The following JAG2 variants were observed in gnomAD, a reference collection of about 807,000 sequenced individuals.
JAG2 encodes the protein protein jagged-2.
In JAG2, 46 loss-of-function variants were observed where a neutral mutation model predicts 141.7. The ratio of observed to expected loss-of-function variants is 0.32; its 90% CI spans 0.26 to 0.42. The LOEUF is 0.42. Among genes scored for constraint, JAG2 ranks in the 10% least tolerant of loss-of-function variants. The pLI is 1.00. For missense variants in JAG2, 1,500 were observed against 1,817.5 expected (o/e 0.83, Z 3.18); for synonymous variants, 862 against 763.5 (o/e 1.13, Z -2.13).
Position 105,148,935 on chromosome 14 carries a change from A to T in JAG2, c.1906+2T>A. The T allele has an allele frequency of 6.2e-7, 1 of 1,604,976 alleles. No individual in the cohort carries two copies. The highest frequency in any genetic ancestry group is 1.7e-5 in the Admixed American group (1 of 59,172). On this transcript the variant is annotated splice_donor_variant, in intron 14 of 25. Coordinates refer to ENST00000331782, the MANE Select transcript of JAG2 (RefSeq NM_002226.5). LOFTEE classifies it high-confidence loss of function. Reference sequence around the variant, plus strand: ...ACCAGCCCGCCGTTCGTGGCCACTCACTCTCATGGCAGTAGGTGCCAGTAA... The same window carrying T: ...ACCAGCCCGCCGTTCGTGGCCACTCTCTCTCATGGCAGTAGGTGCCAGTAA...
At chr14:105,161,740 C>T (rs1418363196) in intron 2 of JAG2, among the ~76,000 whole-genome samples, 4 of 152,136 alleles carry the variant, frequency 2.6e-5, no homozygotes, top group Non-Finnish European at 4.4e-5. Flanking sequence ...TGAATAACAA[C>T]CTCTCACCCC....
Position 105,148,171 on chromosome 14 carries a change from G to A in JAG2, c.2193C>T (p.Gly731=), listed in dbSNP as rs973609639. The change falls in exon 17 of 26, where the codon GGC becomes GGT. Residue 731 remains glycine, a synonymous_variant. Coordinates refer to ENST00000331782, the MANE Select transcript of JAG2 (RefSeq NM_002226.5). Reference sequence around the variant, plus strand: ...GGGGGCAGGCGCAGCGGAAGGTGTCGCCGCTGTCGTAGCAGGTGCCACCGT... The same window carrying A: ...GGGGGCAGGCGCAGCGGAAGGTGTCACCGCTGTCGTAGCAGGTGCCACCGT... ...CSNGGTCYDS[G]DTFRCACPPG... 21 of 1,550,966 alleles carry A rather than the reference G, an allele frequency of 1.4e-5. No individual in the cohort carries two copies. The highest frequency in any genetic ancestry group is 2.7e-5 in the African/African-American group (2 of 73,016).
chr14:105,159,325 C>T (rs1888664390), intron 2 of JAG2, among the ~76,000 whole-genome samples: 2 of 152,010 alleles, frequency 1.3e-5, no homozygotes, highest in Admixed American at 1.3e-4. Context: ...GGGCCATCCC[C>T]AACCCGCTCC....
Position 105,143,641 on chromosome 14 carries a change from G to A in JAG2, c.3085-3C>T. On this transcript the variant is annotated splice_region_variant and splice_polypyrimidine_tract_variant and intron_variant, in intron 24 of 25. Transcript: ENST00000331782. ...AGGTCCCTGGCAGGGCTGAAGGACT[G>A]CGGCAAAGAACGGCATTGTGGGGAT... 6.2e-7 allele frequency: 1 copy of A among 1,606,776 alleles called. No individual in the cohort carries two copies. Among genetic ancestry groups the A allele is most frequent in the South Asian group, 1.1e-5 (1 of 90,672 alleles).
rs1448694030 is a variant in JAG2 at position 105,168,000 on chromosome 14, G to C, written c.174C>G (p.Arg58=). 1.9e-6 allele frequency: 3 copies of C among 1,601,110 alleles called. No individual in the cohort carries two copies. Among genetic ancestry groups the C allele is most frequent in the Non-Finnish European group, 2.5e-6 (3 of 1,177,392 alleles). ...ACCDGDGRTT[R]AGGCGHDECD... Reference sequence around the variant, plus strand: ...ACTCGTCGTGGCCGCAGCCCCCCGCGCGCGTTGTCCGGCCGTCGCCGTCAC... The same window carrying C: ...ACTCGTCGTGGCCGCAGCCCCCCGCCCGCGTTGTCCGGCCGTCGCCGTCAC... The change falls in exon 2 of 26, where the codon CGC becomes CGG. Residue 58 remains arginine, a synonymous_variant. Coordinates refer to ENST00000331782, the MANE Select transcript of JAG2 (RefSeq NM_002226.5). This position sits in a 1 kb window ranked among gnomAD's most constrained non-coding sequence, Gnocchi z 4.8.
intron 24 of JAG2, 144 bp downstream of exon 24, chr14:105,144,786 G>A (rs1888172145): frequency 1.9e-6 from 2 of 1,080,740 alleles, no homozygotes; most frequent in East Asian, 5.2e-5. Context: ...GGCATGGACA[G>A]CGAGGGGCCG....
At position 105,154,385 on chromosome 14, in the gene JAG2, C is replaced by T. The variant is rs1387531515; in HGVS notation, c.788+1177G>A. On this transcript the variant is annotated intron_variant, in intron 5 of 25. Transcript: ENST00000331782. This position sits in a 1 kb window ranked among gnomAD's most constrained non-coding sequence, Gnocchi z 4.4. ...CCTCTCTCGGGCTCCCCAGCTTGCT[C>T]ACGCACAGTGAGCGCCACGGCTCGA... 2.6e-5 allele frequency among the ~76,000 whole-genome samples: 4 copies of T among 152,192 alleles called. No homozygotes were observed. Among genetic ancestry groups the T allele is most frequent in the Non-Finnish European group, 5.9e-5 (4 of 68,030 alleles).
Position 105,167,983 on chromosome 14 carries a change from T to G in JAG2, c.191A>C (p.His64Pro), listed in dbSNP as rs1364331833. 2.5e-6 allele frequency: 4 copies of G among 1,603,052 alleles called. No individual in the cohort carries two copies. The highest frequency in any genetic ancestry group is 1.3e-5 in the African/African-American group (1 of 74,324). ...GRTTRAGGCG[H>P]DECDTYVRVC... ...GCGCACGTACGTGTCGCACTCGTCGTGGCCGCAGCCCCCCGCGCGCGTTGT... is the reference window on the plus strand; with the variant it reads ...GCGCACGTACGTGTCGCACTCGTCGGGGCCGCAGCCCCCCGCGCGCGTTGT... The change falls in exon 2 of 26, where the codon CAC (histidine) becomes CCC (proline). Residue 64 changes from histidine (H) to proline (P), a missense_variant. This residue lies in a region of JAG2 where 200 missense variants were observed against 174.3 expected (regional missense o/e 1.15). Transcript: ENST00000331782. This position sits in a 1 kb window ranked among gnomAD's most constrained non-coding sequence, Gnocchi z 4.8.
intron 2 of JAG2, among the ~76,000 whole-genome samples, chr14:105,161,914 G>GCCTCCTCTGCGAATAGCAACCTCTCACC (rs1888760897): frequency 4.0e-5 from 6 of 151,744 alleles, no homozygotes; most frequent in African/African-American, 9.7e-5. Flanking sequence ...TGTCCTTCCT[G>GCCTCCTCTGCGAATAGCAACCTCTCACC]CCTGGCGGGC....
rs1255775295 is a variant in JAG2 at position 105,152,291 on chromosome 14, C to G, written c.789G>C (p.Arg263Ser). The change falls in exon 6 of 26, where the codon AGG (arginine) becomes AGC (serine). Residue 263 changes from arginine to serine, a missense_variant and splice_region_variant. Arg to Ser is a moderately radical substitution (Grantham distance 110). This residue lies in a region of JAG2 where 875 missense variants were observed against 1,202.2 expected (regional missense o/e 0.73). Transcript: ENST00000331782. The part of the protein sequence containing the change: ...HGGCTVPGEC[R>S]CSYGWQGRFC... ...ACCTCCCTTGCCAGCCGTAGCTGCA[C>G]CTGGGGGAAGGAGGAGGGGCGCAAG... 2 of 1,612,932 alleles carry G rather than the reference C, an allele frequency of 1.2e-6. No homozygotes were observed. Among genetic ancestry groups the G allele is most frequent in the Non-Finnish European group, 1.7e-6 (2 of 1,179,878 alleles).
At chr14:105,156,095 G>A (rs1009768714) in intron 3 of JAG2, 106 bp from the exon 4 acceptor site, 90 of 1,413,364 alleles carry the variant, frequency 6.4e-5, no homozygotes, top group Non-Finnish European at 7.7e-5. Context: ...TGCAAGGCCG[G>A]GGCACAGCAG....
At chr14:105,158,728 G>C (rs587757896) in intron 2 of JAG2, among the ~76,000 whole-genome samples, 2 of 152,196 alleles carry the variant, frequency 1.3e-5, no homozygotes, top group Admixed American at 1.3e-4. Context: ...TGACCCCTGA[G>C]CCCAGCCCTG....
At chr14:105,168,177 G>C in intron 1 of JAG2, 70 bp from the exon 2 acceptor site, 1 of 1,340,772 alleles carries the variant, frequency 7.5e-7, no homozygotes, top group Non-Finnish European at 9.6e-7. Context: ...GCCAGGGGTG[G>C]GGGAACAGGC....
chr14:105,147,214 A>G, intron 20 of JAG2, 112 bp downstream of exon 20: 1 of 798,820 alleles, frequency 1.3e-6, no homozygotes, highest in Non-Finnish European at 2.1e-6. Context: ...AGAGGCAGGA[A>G]GTAGTTGTGG....
rs117688499 is a variant in JAG2 at position 105,153,840 on chromosome 14, C to T, written c.789-1549G>A. Among the ~76,000 whole-genome samples, 1,368 of 152,330 alleles carry T rather than the reference C, an allele frequency of 9.0e-3. 7 individuals carry two copies. Among genetic ancestry groups the T allele is most frequent in the Non-Finnish European group, 0.016 (1,057 of 68,018 alleles). ...ATTCAAGCTGCCAGCCAGCAGCCAT[C>T]CAGGGAGGGTGGCACTGCCATCCAG... On this transcript the variant is annotated intron_variant, in intron 5 of 25. Transcript: ENST00000331782.
At chr14:105,149,552 C>G (rs1888347141) in intron 12 of JAG2, among the ~76,000 whole-genome samples, 1 of 152,022 alleles carries the variant, frequency 6.6e-6, no homozygotes, top group Non-Finnish European at 1.5e-5. Context: ...GCCCAGCTTC[C>G]TCACTGTCCC....
chr14:105,146,494 C>A lies in JAG2; in HGVS notation c.2600G>T (p.Gly867Val), dbSNP rs587610078. 2 of 1,612,656 alleles carry A rather than the reference C, an allele frequency of 1.2e-6. No individual in the cohort carries two copies. Among genetic ancestry groups the A allele is most frequent in the South Asian group, 1.1e-5 (1 of 91,084 alleles). Residue 867 changes from glycine (G) to valine (V), a missense_variant, in exon 22 of 26, where the codon GGG becomes GTG. This residue lies in a region of JAG2 where 875 missense variants were observed against 1,202.2 expected (regional missense o/e 0.73). Coordinates refer to ENST00000331782, the MANE Select transcript of JAG2 (RefSeq NM_002226.5). ...RAGPRCQEVI[G>V]FGRSCWSRGT... Reference sequence around the variant, plus strand: ...CCGGGACCAGCAGGATCTCCCGAACCCGATCACTGTGGGGAGAAGGGGCTC... The same window carrying A: ...CCGGGACCAGCAGGATCTCCCGAACACGATCACTGTGGGGAGAAGGGGCTC...
In JAG2 at chr14:105,167,985, G is replaced by T; in HGVS notation, c.189C>A (p.Gly63=). The T allele has an allele frequency of 1.9e-6, 3 of 1,602,694 alleles. No homozygotes were observed. Among genetic ancestry groups the T allele is most frequent in the Non-Finnish European group, 2.5e-6 (3 of 1,177,592 alleles). ...GCACGTACGTGTCGCACTCGTCGTG[G>T]CCGCAGCCCCCCGCGCGCGTTGTCC... is the stretch of plus-strand genomic sequence containing the variant. ...DGRTTRAGGC[G]HDECDTYVRV... is the part of the protein sequence containing the mutation. The change falls in exon 2 of 26, where the codon GGC becomes GGA. Residue 63 remains glycine, a synonymous_variant. Coordinates refer to ENST00000331782, the MANE Select transcript of JAG2 (RefSeq NM_002226.5). This position sits in a 1 kb window ranked among gnomAD's most constrained non-coding sequence, Gnocchi z 4.8.
At position 105,143,317 on chromosome 14, in the gene JAG2, G is replaced by A. The variant is rs1055760552; in HGVS notation, c.3242-147C>T. 128 of 1,299,130 alleles carry A rather than the reference G, an allele frequency of 9.9e-5. 2 individuals carry two copies. The East Asian group carries it at 1.6e-3, about 16-fold the overall frequency. 80.5% of individuals were successfully genotyped at this position (1,299,130 alleles called of 1,614,324 possible). On this transcript the variant is annotated intron_variant, in intron 25 of 25. Coordinates refer to ENST00000331782, the MANE Select transcript of JAG2 (RefSeq NM_002226.5). Reference sequence around the variant, plus strand: ...TGGCTCGTGGGGAGGGTCCCAGGACGGGGGCTGGGAAGGTCAGGTTGTGGG... The same window carrying A: ...TGGCTCGTGGGGAGGGTCCCAGGACAGGGGCTGGGAAGGTCAGGTTGTGGG...
Sources: allele counts gnomAD v4.1 joint callset (sites outside exome capture counted in the v4.1 genomes callset), GRCh38; gene constraint gnomAD v4.1.1; regional missense constraint gnomAD v4.1.1; non-coding constraint Gnocchi (gnomAD v3.1); transcripts MANE v1.5; gene names NCBI Gene and HGNC (gene_info 2026-07-23, HGNC 2026-07-21).